Variants in PKD1 observed in about 807,000 individuals in gnomAD.
PKD1 encodes the protein polycystin 1, transient receptor potential channel interacting.
PKD1 carries 81 observed loss-of-function variants against 361.7 expected under a neutral mutation model. The observed-to-expected ratio is 0.22, with a 90% CI of 0.19 to 0.27. The LOEUF (loss-of-function observed/expected upper bound fraction) is 0.27. PKD1 is among the 10% of genes least tolerant of loss of function. PKD1 has a pLI of 1.00. For missense variants in PKD1, 6,399 were observed against 6,118.3 expected (o/e 1.05, Z -1.53); for synonymous variants, 3,615 against 2,818.3 (o/e 1.28, Z -8.95).
Position 2,109,541 on chromosome 16 carries a change from A to T in PKD1, c.5626T>A (p.Ser1876Thr). ...TCCGCCGTGAGGTTGTACGTGGCTG[A>T]GACCCAGCTGACTGCGTTGGAGGCA... ...LNASNAVSWVSATYNLTAEEP... is the reference protein window; with the variant it reads ...LNASNAVSWVTATYNLTAEEP... Residue 1876 changes from serine to threonine, a missense_variant, in exon 15 of 46, where the codon TCA (serine) becomes ACA (threonine). Coordinates refer to ENST00000262304, the MANE Select transcript of PKD1 (RefSeq NM_001009944.3). The T allele has an allele frequency of 6.2e-7, 1 of 1,611,424 alleles. No homozygotes were observed. The highest frequency in any genetic ancestry group is 8.5e-7 in the Non-Finnish European group (1 of 1,179,512).
At chr16:2,131,023 A>G (rs192114740) in intron 1 of PKD1, among the ~76,000 whole-genome samples, 17 of 152,348 alleles carry the variant, frequency 1.1e-4, no homozygotes, top group African/African-American at 4.1e-4. Context: ...GCCAGCCAGG[A>G]CAACCTCTGG....
At chr16:2,113,004 A>G in intron 12 of PKD1, 41 bp from the exon 13 acceptor site, 1 of 1,566,988 alleles carries the variant, frequency 6.4e-7, no homozygotes, top group South Asian at 1.1e-5. Context: ...GGCAGGTGAG[A>G]GGCCTGGCCC....
chr16:2,117,990 C>T lies in PKD1; in HGVS notation c.1002G>A (p.Thr334=), dbSNP rs779333200. Residue 334 remains threonine, a synonymous_variant, in exon 5 of 46, where the codon ACG becomes ACA. Transcript: ENST00000262304. Reference sequence around the variant, plus strand: ...AGCCGGCCCCCAGGGCCAGCACGGCCGTCACGTGATAGCGCCCAGGCAGCA... The same window carrying T: ...AGCCGGCCCCCAGGGCCAGCACGGCTGTCACGTGATAGCGCCCAGGCAGCA... ...RYVLPGRYHV[T]AVLALGAGSA... is the part of the protein sequence containing the mutation. The T allele has an allele frequency of 5.7e-6, 9 of 1,569,820 alleles. No individual in the cohort carries two copies. The highest frequency in any genetic ancestry group is 1.1e-5 in the South Asian group (1 of 89,262).
chr16:2,107,644 C>T (rs1386942742), intron 16 of PKD1: 2 of 605,074 alleles, frequency 3.3e-6, no homozygotes, highest in Non-Finnish European at 6.0e-6. Flanking sequence ...GTTGGTATTG[C>T]TAGGGGACTG....
At chr16:2,094,411 G>C (rs1324975663) in intron 34 of PKD1, among the ~76,000 whole-genome samples, 1 of 152,186 alleles carries the variant, frequency 6.6e-6, no homozygotes, top group Non-Finnish European at 1.5e-5. Context: ...AGGCACCGAA[G>C]TCAGGCGTCC....
At chr16:2,129,332 T>C (rs1033104896) in intron 1 of PKD1, among the ~76,000 whole-genome samples, 1 of 151,088 alleles carries the variant, frequency 6.6e-6, no homozygotes, top group African/African-American at 2.4e-5. Context: ...TTTATTGGTC[T>C]CGCTATGTTG....
rs766423188 is a variant in PKD1 at position 2,100,393 on chromosome 16, A to G, written c.9568+3T>C. ...GGCAGAGCTTGGCAGGGTCCGCACA[A>G]ACCTTTGTTGTCGTGCCACACTCGG... is the stretch of plus-strand genomic sequence containing the variant. On this transcript the variant is annotated splice_donor_region_variant and intron_variant, in intron 27 of 45. Coordinates refer to ENST00000262304, the MANE Select transcript of PKD1 (RefSeq NM_001009944.3). This position sits in a 1 kb window ranked among gnomAD's most constrained non-coding sequence, Gnocchi z 4.4. The G allele has an allele frequency of 4.3e-5, 69 of 1,611,058 alleles. No individual in the cohort carries two copies. Among genetic ancestry groups the G allele is most frequent in the African/African-American group, 5.3e-5 (4 of 74,844 alleles).
At position 2,102,310 on chromosome 16, in the gene PKD1, C is replaced by G. The variant is rs989347346; in HGVS notation, c.9202-54G>C. 1.4e-5 allele frequency: 21 copies of G among 1,492,656 alleles called. 1 individual carries two copies. The highest frequency in any genetic ancestry group is 4.7e-4 in the Middle Eastern group (2 of 4,274). The allele number at this position is 1,492,656 out of a possible 1,614,324, so 92.5% of individuals were successfully genotyped here. ...AGGTCACGTGCAAGCTGTGCCTTCT[C>G]AGGATAGAGCCGAGCCCACCCAGGC... On this transcript the variant is annotated intron_variant, in intron 25 of 45. Coordinates refer to ENST00000262304, the MANE Select transcript of PKD1 (RefSeq NM_001009944.3).
intron 14 of PKD1, among the ~76,000 whole-genome samples, chr16:2,112,079 G>C (rs2092526295): frequency 6.6e-6 from 1 of 152,252 alleles, no homozygotes; most frequent in Non-Finnish European, 1.5e-5. Context: ...CCGCCTCCAA[G>C]TGCAGCTGCA....
At position 2,111,616 on chromosome 16, in the gene PKD1, C is replaced by T. The variant is rs1253008342; in HGVS notation, c.3551G>A (p.Arg1184Lys). The stretch of plus-strand genomic sequence containing the variant: ...CTCCAGGCGCACGTGGTAGGTGCCC[C>T]TCGAGGCATAGGTGTGGTTGGCAGC... ...QPAANHTYASRGTYHVRLEVN... is the reference protein window; with the variant it reads ...QPAANHTYASKGTYHVRLEVN... The change falls in exon 15 of 46, where the codon AGG (arginine) becomes AAG (lysine). Residue 1184 changes from arginine (R) to lysine (K), a missense_variant. Transcript: ENST00000262304. 1 of 1,574,360 alleles carries T rather than the reference C, an allele frequency of 6.4e-7. No homozygotes were observed. Among genetic ancestry groups the T allele is most frequent in the Non-Finnish European group, 8.6e-7 (1 of 1,161,134 alleles).
rs765406688 is a variant in PKD1 at position 2,117,042 on chromosome 16, A to G, written c.1397T>C (p.Val466Ala). 26 of 1,578,940 alleles carry G rather than the reference A, an allele frequency of 1.6e-5. No individual in the cohort carries two copies. The South Asian group carries it at 2.8e-4, about 17-fold the overall frequency. ...LVSRVTRSLD[V>A]WIGFSTVQGV... ...CTGCACAGTCGAGAAGCCGATCCAC[A>G]CGTCTAGGCTCCTGGGGGCGGGTGT... The change falls in exon 7 of 46, where the codon GTG (valine) becomes GCG (alanine). Residue 466 changes from valine (V) to alanine (A), a missense_variant. Coordinates refer to ENST00000262304, the MANE Select transcript of PKD1 (RefSeq NM_001009944.3).
In PKD1 at chr16:2,100,646, T is replaced by C. The variant is rs1455549966; in HGVS notation, c.9398-80A>G. On this transcript the variant is annotated intron_variant, in intron 26 of 45. Coordinates refer to ENST00000262304, the MANE Select transcript of PKD1 (RefSeq NM_001009944.3). This position sits in a 1 kb window ranked among gnomAD's most constrained non-coding sequence, Gnocchi z 4.4. ...CATCCCAGGCAAGTCATCTCAGCTT[T>C]GGCCTGTGCGCACTCAAGGAGCCAC... 1 of 1,302,858 alleles carries C rather than the reference T, an allele frequency of 7.7e-7. No individual in the cohort carries two copies. The highest frequency in any genetic ancestry group is 1.1e-6 in the Non-Finnish European group (1 of 917,504). The allele number at this position is 1,302,858 out of a possible 1,614,324, so 80.7% of individuals were successfully genotyped here.
chr16:2,098,981 C>G (rs1481192733), intron 30 of PKD1: 2 of 165,216 alleles, frequency 1.2e-5, no homozygotes, highest in South Asian at 1.4e-4. Context: ...CAGGCGCCCG[C>G]CACCATGCCC....
rs778760825 is a variant in PKD1, at chr16:2,109,394, C to A, written c.5773G>T (p.Gly1925Trp). The A allele has an allele frequency of 1.9e-6, 3 of 1,598,390 alleles. No individual in the cohort carries two copies. In the South Asian group the frequency reaches 3.3e-5, roughly 18 times the overall value. Residue 1925 changes from glycine (G) to tryptophan (W), a missense_variant, in exon 15 of 46, where the codon GGG becomes TGG. Coordinates refer to ENST00000262304, the MANE Select transcript of PKD1 (RefSeq NM_001009944.3). The part of the protein sequence containing the change: ...SAVTFRLQVG[G>W]ANPEVLPGPR... ...CCGGGGAGCACCTCGGGGTTGGCCC[C>A]GCCGACCTGCAGGCGGAAGGTGACA...
chr16:2,126,795 C>T (rs2092805326), intron 1 of PKD1, among the ~76,000 whole-genome samples: 1 of 152,250 alleles, frequency 6.6e-6, no homozygotes, highest in African/African-American at 2.4e-5. Context: ...GAAAGCAGAT[C>T]CCAGGCAGGG....
At position 2,097,309 on chromosome 16, in the gene PKD1, C is replaced by A. The variant is rs760134109; in HGVS notation, c.10405+10G>T. The A allele has an allele frequency of 6.2e-7, 1 of 1,612,626 alleles. No homozygotes were observed. Among genetic ancestry groups the A allele is most frequent in the Admixed American group, 1.7e-5 (1 of 59,946 alleles). ...GAGCTTCAGAGCCCCCTCCTCTCAC[C>A]CCAGCTCACCTGATGCTGAGAAGGA... On this transcript the variant is annotated intron_variant, in intron 33 of 45. Transcript: ENST00000262304.
intron 14 of PKD1, 33 bp downstream of exon 14, chr16:2,112,307 A>T (rs1230151815): frequency 1.3e-6 from 2 of 1,569,808 alleles, no homozygotes; most frequent in Non-Finnish European, 1.7e-6. Context: ...AGAGCCTGAA[A>T]GGCAGTGGCC....
chr16:2,113,597 C>T (rs192132840), intron 11 of PKD1, among the ~76,000 whole-genome samples: 61 of 152,356 alleles, frequency 4.0e-4, no homozygotes, highest in Middle Eastern at 3.4e-3. Context: ...CAGACCCTCC[C>T]GGCGCTCTTG....
intron 24 of PKD1, 76 bp downstream of exon 24, chr16:2,102,738 C>A: frequency 6.2e-7 from 1 of 1,605,596 alleles, no homozygotes; most frequent in Non-Finnish European, 8.5e-7. Flanking sequence ...CTGCCGTCCC[C>A]ATGGGGCCAG....
Sources: gnomAD v4.1 joint callset for allele counts (sites outside exome capture counted in the v4.1 genomes callset) on GRCh38, gnomAD v4.1.1 for gene constraint, Gnocchi (gnomAD v3.1) non-coding constraint, MANE v1.5 for transcripts, NCBI Gene and HGNC (gene_info 2026-07-23, HGNC 2026-07-21) for gene names.